TTYH2: variants seen among roughly 807,000 people sequenced by gnomAD.
TTYH2 encodes the protein protein tweety homolog 2.
Under a neutral mutation model 68.3 loss-of-function variants are expected in TTYH2, and 49 were observed. That is an observed-to-expected ratio of 0.72 (90% CI 0.57 to 0.91). The LOEUF (loss-of-function observed/expected upper bound fraction) is 0.91. Among genes scored for constraint, TTYH2 ranks in the 40% least tolerant of loss-of-function variants. The pLI is 0.00. For missense variants in TTYH2, 631 were observed against 700.4 expected (o/e 0.90, Z 1.12); for synonymous variants, 272 against 300.8 (o/e 0.90, Z 0.99).
chr17:74,253,706 C>T (rs370428953), intron 12 of TTYH2, 49 bp from the exon 13 acceptor site: 21 of 1,582,728 alleles, frequency 1.3e-5, no homozygotes, highest in Non-Finnish European at 1.7e-5. Context: ...TCTACACACA[C>T]CCCCACTCCC....
At chr17:74,243,953 C>T (rs775827059) in intron 5 of TTYH2, 24 bp from the exon 6 acceptor site, 5 of 1,608,190 alleles carry the variant, frequency 3.1e-6, no homozygotes, top group East Asian at 2.2e-5. Context: ...CGCCTGCCAA[C>T]GTTGTCGCCT....
rs776118422 is a variant in TTYH2, at chr17:74,231,022, C to T, written c.414+23C>T. ...CTGGTAAGGCTCCCGGGCAGCTGGC[C>T]GGGTACAGGCACAGCCCACAAGGTC... is the stretch of plus-strand genomic sequence containing the variant. On this transcript the variant is annotated intron_variant, in intron 3 of 13. Coordinates refer to ENST00000269346, the MANE Select transcript of TTYH2 (RefSeq NM_032646.6). The T allele has an allele frequency of 1.0e-5, 16 of 1,607,330 alleles. No individual in the cohort carries two copies. In the East Asian group the frequency reaches 1.1e-4, roughly 11 times the overall value.
intron 5 of TTYH2, 93 bp from the exon 6 acceptor site, chr17:74,243,884 T>A: frequency 1.8e-6 from 2 of 1,105,204 alleles, no homozygotes; most frequent in Non-Finnish European, 2.5e-6. Context: ...TGCCTTTGGA[T>A]CCATTGCAAG....
At chr17:74,250,948 C>G (rs2050616716) in intron 10 of TTYH2, among the ~76,000 whole-genome samples, 2 of 152,172 alleles carry the variant, frequency 1.3e-5, no homozygotes, top group African/African-American at 4.8e-5. Context: ...TCAGTTCTCA[C>G]AGTTATACTG....
intron 13 of TTYH2, among the ~76,000 whole-genome samples, chr17:74,257,724 G>A (rs925081932): frequency 1.3e-5 from 2 of 152,192 alleles, no homozygotes; most frequent in Admixed American, 1.3e-4. Flanking sequence ...GAACAAAAAT[G>A]ACCCAGGGCA....
chr17:74,259,627 A>G (rs180758255), intron 13 of TTYH2, among the ~76,000 whole-genome samples: 1 of 152,310 alleles, frequency 6.6e-6, no homozygotes, highest in Admixed American at 6.5e-5. Context: ...GTTTGAGAGC[A>G]GCTGTGTTAT....
At chr17:74,243,539 G>A in intron 5 of TTYH2, 70 bp downstream of exon 5, 2 of 1,525,602 alleles carry the variant, frequency 1.3e-6, no homozygotes, top group African/African-American at 1.4e-5. Context: ...AGAGACGAGG[G>A]CCTGGCCAGC....
rs555811235 is a variant in TTYH2 at position 74,239,573 on chromosome 17, G to A, written c.635+2059G>A. ...GGGGCCTCTCCCCTTCCCAAAAATA[G>A]GAGGTGGCAGGTCCCTGAGCAGAGG... On this transcript the variant is annotated intron_variant, in intron 4 of 13. Coordinates refer to ENST00000269346, the MANE Select transcript of TTYH2 (RefSeq NM_032646.6). This position sits in a 1 kb window ranked among gnomAD's most constrained non-coding sequence, Gnocchi z 5.3. Among the ~76,000 whole-genome samples the A allele has an allele frequency of 1.3e-5, 2 of 152,280 alleles. No homozygotes were observed. The highest frequency in any genetic ancestry group is 2.4e-5 in the African/African-American group (1 of 41,556).
At chr17:74,240,371 G>A (rs745850515) in intron 4 of TTYH2, among the ~76,000 whole-genome samples, 8 of 152,040 alleles carry the variant, frequency 5.3e-5, no homozygotes, top group East Asian at 3.9e-4. Flanking sequence ...CCCAGGAAGC[G>A]GAGGCTGCAG....
chr17:74,216,726 G>A (rs1049633133), intron 1 of TTYH2, among the ~76,000 whole-genome samples: 28 of 152,330 alleles, frequency 1.8e-4, no homozygotes, highest in African/African-American at 6.0e-4. Flanking sequence ...GGCTGTGGAC[G>A]AGGGCACCTT....
rs1423050342 is a variant in TTYH2 at position 74,241,261 on chromosome 17, ACGTG to A, written c.636-2112_636-2109del. 4.0e-5 allele frequency among the ~76,000 whole-genome samples: 5 copies of A among 125,664 alleles called. No individual in the cohort carries two copies. Among genetic ancestry groups the A allele is most frequent in the Middle Eastern group, 7.6e-3 (2 of 264 alleles). 82.4% of individuals were successfully genotyped at this position (125,664 alleles called of 152,430 possible). ...CATAGACAGACCCGGTATTTATAAT[ACGTG>A]TGTGTGTGTGTGTGTGTGTGTGTGT... is the stretch of plus-strand genomic sequence containing the variant. On this transcript the variant is annotated intron_variant, in intron 4 of 13. Coordinates refer to ENST00000269346, the MANE Select transcript of TTYH2 (RefSeq NM_032646.6). The surrounding 1 kb of genome is among the most constrained non-coding windows in gnomAD (Gnocchi z 4.1).
rs35080135 is a variant in TTYH2, at chr17:74,227,983, C to CTTTTTTTTTTTTTTTTTTTTTTTT, written c.303-2887_303-2886insTTTTTTTTTTTTTTTTTTTTTTTT. Among the ~76,000 whole-genome samples the CTTTTTTTTTTTTTTTTTTTTTTTT allele has an allele frequency of 1.2e-4, 14 of 112,508 alleles. 1 individual carries two copies. The highest frequency in any genetic ancestry group is 4.6e-4 in the African/African-American group (10 of 21,542). The allele number at this position is 112,508 out of a possible 152,430, so 73.8% of individuals were successfully genotyped here. ...GAAGGAGGTTTCTTTTCTTTTCTTT[C>CTTTTTTTTTTTTTTTTTTTTTTTT]TTTTTTTTTTTTTTTTTTGAGATAG... is the stretch of plus-strand genomic sequence containing the variant. On this transcript the variant is annotated intron_variant, in intron 2 of 13. Transcript: ENST00000269346.
chr17:74,216,310 C>T (rs141131913), intron 1 of TTYH2, among the ~76,000 whole-genome samples: 133 of 152,190 alleles, frequency 8.7e-4, no homozygotes, highest in Non-Finnish European at 1.7e-3. Flanking sequence ...ATGCACAGTG[C>T]TGGCTGTGTG....
intron 11 of TTYH2, 21 bp from the exon 12 acceptor site, chr17:74,253,060 A>G (rs1157803397): frequency 9.3e-6 from 15 of 1,612,702 alleles, no homozygotes; most frequent in African/African-American, 1.3e-5. Context: ...ACAGCCGGCC[A>G]TCTTCTACCC....
intron 4 of TTYH2, among the ~76,000 whole-genome samples, chr17:74,240,593 C>T (rs1016541203): frequency 6.6e-6 from 1 of 152,182 alleles, no homozygotes; most frequent in Non-Finnish European, 1.5e-5. Flanking sequence ...CTGAAGGGCC[C>T]CTGTCTTTGC....
chr17:74,230,454 C>T (rs1413893581), intron 2 of TTYH2, among the ~76,000 whole-genome samples: 1 of 151,970 alleles, frequency 6.6e-6, no homozygotes, highest in African/African-American at 2.4e-5. Flanking sequence ...AGAATGAACC[C>T]TAGTGGAAGC....
intron 4 of TTYH2, among the ~76,000 whole-genome samples, chr17:74,242,098 G>C (rs575466345): frequency 1.4e-3 from 212 of 152,320 alleles, no homozygotes; most frequent in Non-Finnish European, 2.4e-3. Context: ...AGGGGTTCCA[G>C]CTCCCTCTAC....
chr17:74,218,121 C>T (rs910492092), intron 1 of TTYH2, among the ~76,000 whole-genome samples: 1 of 151,298 alleles, frequency 6.6e-6, no homozygotes, highest in African/African-American at 2.4e-5. Flanking sequence ...AAATAATTGC[C>T]CATTAGGAGC....
At chr17:74,228,170 G>C (rs1447961299) in intron 2 of TTYH2, among the ~76,000 whole-genome samples, 1 of 151,920 alleles carries the variant, frequency 6.6e-6, no homozygotes, top group Non-Finnish European at 1.5e-5. Flanking sequence ...TTTTAGTAGA[G>C]ATGGGGTTTC....
Sources: gnomAD v4.1 joint callset for allele counts (sites outside exome capture counted in the v4.1 genomes callset) on GRCh38, gnomAD v4.1.1 for gene constraint, Gnocchi (gnomAD v3.1) non-coding constraint, MANE v1.5 for transcripts, NCBI Gene and HGNC (gene_info 2026-07-23, HGNC 2026-07-21) for gene names.